PIR: variants seen among roughly 807,000 people sequenced by gnomAD.
PIR encodes pirin, also known as pirin (iron-binding nuclear protein).
PIR carries 22 observed loss-of-function variants against 24.2 expected under a neutral mutation model. The observed-to-expected ratio is 0.91, with a 90% CI of 0.65 to 1.30. The LOEUF (loss-of-function observed/expected upper bound fraction) is 1.30, where lower values mean the gene tolerates loss of function less well. Ranked by LOEUF, PIR falls within the 50% of genes most tolerant of loss-of-function variation. The pLI is 0.00. For synonymous variants in PIR, 80 were observed against 79.6 expected, an observed-to-expected ratio of 1.00 and a Z score of -0.03; for missense variants, 220 against 220.3, an observed-to-expected ratio of 1.00 and a Z score of 0.01.
At chrX:15,410,021 G>A (rs927100207) in intron 6 of PIR, among the ~76,000 whole-genome samples, 13 of 110,864 alleles carry the variant, frequency 1.2e-4, no homozygotes, top group Non-Finnish European at 2.1e-4. Flanking sequence ...GGAGGGCCAA[G>A]GCGAGCAGAT....
intron 7 of PIR, among the ~76,000 whole-genome samples, chrX:15,400,718 C>T (rs1924348024): frequency 1.9e-5 from 1 of 53,149 alleles, no homozygotes; most frequent in Admixed American, 1.7e-4. Context: ...AAATGCTCCA[C>T]TCTAAGGTAA....
At chrX:15,446,717 C>T (rs886510300) in intron 5 of PIR, among the ~76,000 whole-genome samples, 1 of 111,325 alleles carries the variant, frequency 9.0e-6, no homozygotes. Flanking sequence ...TGCTGACTCA[C>T]CACAGTATAC....
chrX:15,396,293 C>G (rs1265146003), intron 8 of PIR, among the ~76,000 whole-genome samples: 1 of 111,401 alleles, frequency 9.0e-6, no homozygotes, highest in African/African-American at 3.3e-5. Context: ...GTTTACCTCA[C>G]AGTTCATGGT....
chrX:15,480,041 C>T (rs779993113), intron 2 of PIR, among the ~76,000 whole-genome samples: 19 of 111,690 alleles, frequency 1.7e-4, no homozygotes, highest in African/African-American at 2.9e-4. Flanking sequence ...CCATAATTCC[C>T]GTGTGTTGTG....
intron 7 of PIR, among the ~76,000 whole-genome samples, chrX:15,402,169 GT>G (rs775892575): frequency 8.5e-4 from 95 of 111,552 alleles, no homozygotes; most frequent in Non-Finnish European, 1.6e-3. Flanking sequence ...TTTAGGTGTG[GT>G]GGTGCACACC....
chrX:15,387,846 G>A (rs1923825351), intron 9 of PIR, among the ~76,000 whole-genome samples: 1 of 111,523 alleles, frequency 9.0e-6, no homozygotes, highest in Non-Finnish European at 1.9e-5. Context: ...TGAATCAGCT[G>A]GGAATCTTAT....
intron 3 of PIR, among the ~76,000 whole-genome samples, 192 bp from the exon 4 acceptor site, chrX:15,459,932 A>C (rs1239378985): frequency 2.0e-5 from 2 of 100,001 alleles, no homozygotes; most frequent in Non-Finnish European, 4.0e-5. Flanking sequence ...AAAAAAAAAT[A>C]GGCAAAGGAC....
chrX:15,385,831 A>C, intron 9 of PIR, among the ~76,000 whole-genome samples: 1 of 112,237 alleles, frequency 8.9e-6, no homozygotes, highest in Non-Finnish European at 1.9e-5. Flanking sequence ...CATTTACAAA[A>C]ACATGCAGTG....
At chrX:15,403,133 T>A (rs972137666) in intron 7 of PIR, among the ~76,000 whole-genome samples, 4 of 111,283 alleles carry the variant, frequency 3.6e-5, no homozygotes, top group Non-Finnish European at 5.7e-5. Context: ...AGGTCAATTA[T>A]GAGGCCTGCT....
chrX:15,440,544 G>C (rs1314594353), intron 5 of PIR, among the ~76,000 whole-genome samples: 1 of 110,646 alleles, frequency 9.0e-6, no homozygotes, highest in Non-Finnish European at 1.9e-5. Context: ...ATTGGATAAT[G>C]TCAACTTGCT....
chrX:15,450,828 C>A (rs1016244056), intron 5 of PIR, among the ~76,000 whole-genome samples: 1 of 111,962 alleles, frequency 8.9e-6, no homozygotes, highest in African/African-American at 3.2e-5. Context: ...GACAAAATTG[C>A]ATTTTGGTGA....
intron 5 of PIR, among the ~76,000 whole-genome samples, chrX:15,447,292 G>T (rs375227757): frequency 5.6e-4 from 57 of 102,278 alleles, no homozygotes; most frequent in African/African-American, 1.8e-3. Flanking sequence ...TTGTTTTTTT[G>T]TTTGTTTGTT....
intron 5 of PIR, among the ~76,000 whole-genome samples, chrX:15,428,223 C>T (rs1201910780): frequency 3.6e-5 from 4 of 111,480 alleles, no homozygotes; most frequent in Admixed American, 9.5e-5. Context: ...AATCAGAGAG[C>T]TTGAAACACA....
intron 7 of PIR, among the ~76,000 whole-genome samples, chrX:15,407,233 C>T (rs1311651471): frequency 1.8e-5 from 2 of 111,763 alleles, no homozygotes; most frequent in Non-Finnish European, 3.8e-5. Flanking sequence ...AACGTCTTAG[C>T]GAGGTATCAA....
intron 5 of PIR, among the ~76,000 whole-genome samples, chrX:15,432,066 C>A (rs1008116637): frequency 9.1e-6 from 1 of 110,267 alleles, no homozygotes; most frequent in African/African-American, 3.3e-5. Flanking sequence ...ATAAAAATAG[C>A]AATAACTAAA....
chrX:15,407,386 G>A (rs780233064), intron 7 of PIR, 120 bp downstream of exon 7: 2 of 563,327 alleles, frequency 3.6e-6, no homozygotes, highest in Non-Finnish European at 6.3e-6. Flanking sequence ...GAGAGGGCTA[G>A]TGTAGGAGAG....
At chrX:15,433,098 T>G (rs762143980) in intron 5 of PIR, among the ~76,000 whole-genome samples, 29 of 112,582 alleles carry the variant, frequency 2.6e-4, no homozygotes, top group Non-Finnish European at 3.0e-4. Flanking sequence ...AAGTTGGCAG[T>G]GGCAGATATG....
intron 5 of PIR, among the ~76,000 whole-genome samples, chrX:15,434,579 T>A (rs189087572): frequency 2.5e-3 from 281 of 110,700 alleles, no homozygotes; most frequent in African/African-American, 7.8e-3. Context: ...GTTGAGAACA[T>A]CAAGGAGGTA....
At chrX:15,437,778 A>T (rs1925796244) in intron 5 of PIR, among the ~76,000 whole-genome samples, 1 of 112,479 alleles carries the variant, frequency 8.9e-6, no homozygotes, top group Admixed American at 9.4e-5. Flanking sequence ...TCTCTAATCC[A>T]GAGAAACCTC....
Sources: gnomAD v4.1 joint callset for allele counts (sites outside exome capture counted in the v4.1 genomes callset) on GRCh38, gnomAD v4.1.1 for gene constraint, MANE v1.5 for transcripts, NCBI Gene and HGNC (gene_info 2026-07-23, HGNC 2026-07-21) for gene names.